RAB22A: variants seen among roughly 807,000 people sequenced by gnomAD.
RAB22A encodes the protein RAB22A, member RAS oncogene family.
Under a neutral mutation model 30.2 loss-of-function variants are expected in RAB22A, and 13 were observed. The ratio of observed to expected loss-of-function variants is 0.43; its 90% CI spans 0.28 to 0.68. The LOEUF is 0.68. Among genes scored for constraint, RAB22A ranks in the 30% least tolerant of loss-of-function variants. The pLI is 0.18. For synonymous variants in RAB22A, 89 were observed against 87.2 expected (o/e 1.02, Z -0.11); for missense variants, 177 against 246.8 (o/e 0.72, Z 1.89).
In RAB22A at chr20:58,353,402, T is replaced by C. The variant is rs778019615; in HGVS notation, c.271-30T>C. 12 of 1,608,052 alleles carry C rather than the reference T, an allele frequency of 7.5e-6. No homozygotes were observed. The South Asian group carries it at 1.2e-4, about 16-fold the overall frequency. ...GAAAACTCTTTTGGTTGCTTAGATC[T>C]CCAGTTGCTCTCTTTTTTGTGTGTT... On this transcript the variant is annotated intron_variant, in intron 4 of 6. Coordinates refer to ENST00000244040, the MANE Select transcript of RAB22A (RefSeq NM_020673.3).
rs1039615921 is a variant in RAB22A at position 58,364,051 on chromosome 20, T to C, written c.*4348T>C. The C allele has an allele frequency of 2.6e-5, 4 of 152,658 alleles. No individual in the cohort carries two copies. The highest frequency in any genetic ancestry group is 9.7e-5 in the African/African-American group (4 of 41,450). 9.5% of individuals were successfully genotyped at this position (152,658 alleles called of 1,614,324 possible). A position where few individuals can be genotyped will look rare whatever the true frequency, so the allele number is the denominator to read the frequency against. ...TTTGCAAGAAACTTTAATGGAATTC[T>C]GGGGCATTTGTCCTGTTTTATGTGC... On this transcript the variant is annotated 3_prime_UTR_variant, in exon 7 of 7. Coordinates refer to ENST00000244040, the MANE Select transcript of RAB22A (RefSeq NM_020673.3).
chr20:58,353,384 CTT>C, intron 4 of RAB22A, 40 bp downstream of exon 4: 5 of 1,608,100 alleles, frequency 3.1e-6, no homozygotes, highest in African/African-American at 1.3e-5. Context: ...TTTGAAAACT[CTT>C]TTGGTTGCTT....
chr20:58,341,495 T>C (rs1263474441), intron 2 of RAB22A, among the ~76,000 whole-genome samples: 1 of 151,800 alleles, frequency 6.6e-6, no homozygotes, highest in Non-Finnish European at 1.5e-5. Flanking sequence ...ATGCTGGTGA[T>C]CAATGGACTG....
At chr20:58,353,137 C>A in intron 3 of RAB22A, 136 bp from the exon 4 acceptor site, 1 of 786,474 alleles carries the variant, frequency 1.3e-6, no homozygotes. Context: ...GGTTCATTTG[C>A]TTTAAAGCAG....
chr20:58,321,050 C>T (rs1043472569), intron 2 of RAB22A, among the ~76,000 whole-genome samples: 6 of 152,204 alleles, frequency 3.9e-5, no homozygotes, highest in South Asian at 4.1e-4. Context: ...ATTAGCTGGG[C>T]GTGGTGGCAC....
chr20:58,354,360 C>G (rs1438210576), intron 6 of RAB22A, 95 bp downstream of exon 6: 3 of 791,366 alleles, frequency 3.8e-6, no homozygotes, highest in Non-Finnish European at 5.9e-6. Flanking sequence ...TTAGAGCAGT[C>G]TAGTCTCTGA....
intron 2 of RAB22A, among the ~76,000 whole-genome samples, chr20:58,341,808 T>G (rs1395044443): frequency 1.3e-5 from 2 of 152,230 alleles, no homozygotes; most frequent in Non-Finnish European, 2.9e-5. Flanking sequence ...GTGTATACCT[T>G]TCTCAGCTTT....
intron 3 of RAB22A, among the ~76,000 whole-genome samples, chr20:58,350,741 G>A (rs1055518018): frequency 3.9e-5 from 6 of 152,144 alleles, no homozygotes; most frequent in Non-Finnish European, 7.4e-5. Context: ...GAAATCAACA[G>A]CAGCTGTCCC....
intron 2 of RAB22A, among the ~76,000 whole-genome samples, chr20:58,316,678 T>A (rs959995275): frequency 6.6e-6 from 1 of 152,162 alleles, no homozygotes; most frequent in Admixed American, 6.5e-5. Context: ...AATTCCCTCT[T>A]AAGCTCTAGA....
Position 58,359,670 on chromosome 20 carries a change from A to G in RAB22A, c.552A>G (p.Arg184=). 6.2e-7 allele frequency: 1 copy of G among 1,612,890 alleles called. No individual in the cohort carries two copies. Among genetic ancestry groups the G allele is most frequent in the Non-Finnish European group, 8.5e-7 (1 of 1,179,002 alleles). Residue 184 remains arginine, a synonymous_variant, in exon 7 of 7, where the codon AGA becomes AGG. Coordinates refer to ENST00000244040, the MANE Select transcript of RAB22A (RefSeq NM_020673.3). ...PSGGKGFKLR[R]QPSEPKRSCC ...GCGGTAAGGGCTTCAAACTCCGAAG[A>G]CAGCCTTCAGAGCCAAAGCGGAGCT...
At chr20:58,356,668 C>A (rs930461948) in intron 6 of RAB22A, among the ~76,000 whole-genome samples, 8 of 152,208 alleles carry the variant, frequency 5.3e-5, no homozygotes, top group African/African-American at 1.9e-4. Context: ...GATACTAATT[C>A]TTCAGATTGG....
chr20:58,323,502 A>G (rs949866398), intron 2 of RAB22A, among the ~76,000 whole-genome samples: 1 of 152,092 alleles, frequency 6.6e-6, no homozygotes, highest in Non-Finnish European at 1.5e-5. Context: ...AATGTTCAAT[A>G]GAAATGGTAA....
intron 3 of RAB22A, among the ~76,000 whole-genome samples, chr20:58,350,167 T>G (rs1987022438): frequency 6.6e-6 from 1 of 151,592 alleles, no homozygotes; most frequent in South Asian, 2.1e-4. Context: ...TGGAAACTAA[T>G]AAAGAATCAC....
At chr20:58,342,648 CAAA>C (rs10709063) in intron 2 of RAB22A, among the ~76,000 whole-genome samples, 46 of 123,982 alleles carry the variant, frequency 3.7e-4, no homozygotes, top group Non-Finnish European at 2.9e-4. Context: ...TACAATTTGG[CAAA>C]AAAAAAAAAA....
chr20:58,343,048 C>T (rs1986882210), intron 2 of RAB22A, among the ~76,000 whole-genome samples: 1 of 152,194 alleles, frequency 6.6e-6, no homozygotes, highest in African/African-American at 2.4e-5. Context: ...GCGGTGTGAC[C>T]TGCAAACCAT....
At chr20:58,329,450 G>T (rs1481898032) in intron 2 of RAB22A, among the ~76,000 whole-genome samples, 1 of 152,068 alleles carries the variant, frequency 6.6e-6, no homozygotes, top group African/African-American at 2.4e-5. Context: ...CCTGGCCTTC[G>T]TTGTTTTTGT....
chr20:58,352,032 C>T (rs1829137795), intron 3 of RAB22A, among the ~76,000 whole-genome samples: 1 of 152,048 alleles, frequency 6.6e-6, no homozygotes, highest in Non-Finnish European at 1.5e-5. Context: ...TATATAATAT[C>T]AGTAAAACAG....
At chr20:58,350,448 T>G (rs1375036341) in intron 3 of RAB22A, among the ~76,000 whole-genome samples, 2 of 152,150 alleles carry the variant, frequency 1.3e-5, no homozygotes, top group Admixed American at 6.5e-5. Flanking sequence ...TCCAAGAAGT[T>G]CAACAAATCT....
intron 3 of RAB22A, among the ~76,000 whole-genome samples, chr20:58,352,464 T>C (rs1987068348): frequency 6.6e-6 from 1 of 152,232 alleles, no homozygotes; most frequent in African/African-American, 2.4e-5. Flanking sequence ...TCATTAAACA[T>C]TGACATCATA....
Sources: gnomAD v4.1 joint callset for allele counts (sites outside exome capture counted in the v4.1 genomes callset) on GRCh38, gnomAD v4.1.1 for gene constraint, MANE v1.5 for transcripts, NCBI Gene and HGNC (gene_info 2026-07-23, HGNC 2026-07-21) for gene names.